ANKHD1: variants seen among roughly 807,000 people sequenced by gnomAD.
ANKHD1 encodes the protein ankyrin repeat and KH domain-containing protein 1.
Under a neutral mutation model 230.5 loss-of-function variants are expected in ANKHD1, and 31 were observed. That is an observed-to-expected ratio of 0.13 (90% CI 0.10 to 0.18). The LOEUF is 0.18. Ranked by LOEUF, ANKHD1 falls within the 10% of genes least tolerant of loss-of-function variation. The pLI, the probability that ANKHD1 is intolerant of heterozygous loss-of-function variation, is 1.00. For synonymous variants in ANKHD1, 1,074 were observed against 1,117.6 expected, an observed-to-expected ratio of 0.96 and a Z score of 0.78; for missense variants, 2,256 against 3,071.3, an observed-to-expected ratio of 0.73 and a Z score of 6.27.
Position 140,507,686 on chromosome 5 carries a change from G to GC in ANKHD1, c.3552-99_3552-98insC. On this transcript the variant is annotated intron_variant, in intron 19 of 33. Transcript: ENST00000360839. This position sits in a 1 kb window ranked among gnomAD's most constrained non-coding sequence, Gnocchi z 4.1. ...AAGTAAAATCTATTCATTGATGTTA[G>GC]AAACCTCTCTTTTTAGTGAAACCTT... 7.3e-7 allele frequency: 1 copy of GC among 1,378,324 alleles called. No individual in the cohort carries two copies. The highest frequency in any genetic ancestry group is 9.8e-7 in the Non-Finnish European group (1 of 1,017,060). The allele number at this position is 1,378,324 out of a possible 1,614,324, so 85.4% of individuals were successfully genotyped here. A position where few individuals can be genotyped will look rare whatever the true frequency, so the allele number is the denominator to read the frequency against.
chr5:140,450,443 C>T (rs938830011), intron 7 of ANKHD1, among the ~76,000 whole-genome samples: 1 of 151,880 alleles, frequency 6.6e-6, no homozygotes, highest in Non-Finnish European at 1.5e-5. Context: ...GATTCTCGTG[C>T]CTCAGCTTCC....
intron 10 of ANKHD1, among the ~76,000 whole-genome samples, chr5:140,474,615 T>G (rs1561776931): frequency 6.8e-6 from 1 of 147,838 alleles, no homozygotes; most frequent in African/African-American, 2.5e-5. Context: ...TTTTTTTTTT[T>G]GGAGATGGTC....
chr5:140,422,919 A>C (rs1040739973), intron 1 of ANKHD1, among the ~76,000 whole-genome samples: 2 of 151,508 alleles, frequency 1.3e-5, no homozygotes, highest in Non-Finnish European at 2.9e-5. Flanking sequence ...TCTTTCGCCC[A>C]GGCTGGAGTG....
chr5:140,464,971 T>A (rs1047909186), intron 10 of ANKHD1, 195 bp downstream of exon 10: 3 of 385,506 alleles, frequency 7.8e-6, no homozygotes, highest in African/African-American at 6.3e-5. Context: ...GCATACTGTT[T>A]CTTTTCCTAG....
rs763164070 is a variant in ANKHD1 at position 140,487,053 on chromosome 5, G to A, written c.2238G>A (p.Val746=). 3.7e-6 allele frequency: 6 copies of A among 1,607,538 alleles called. No individual in the cohort carries two copies. The highest frequency in any genetic ancestry group is 1.3e-5 in the African/African-American group (1 of 74,406). The change falls in exon 14 of 34, where the codon GTG becomes GTA. Residue 746 remains valine, a synonymous_variant. Coordinates refer to ENST00000360839, the MANE Select transcript of ANKHD1 (RefSeq NM_017747.3). ...SQENSPALLG[V]QKGTSKQKSS... ...AGAACTCTCCTGCCCTTTTAGGAGT[G>A]CAAAAAGGTTAGTTATTGAATTATT... is the stretch of plus-strand genomic sequence containing the variant.
At chr5:140,525,118 A>G (rs1304347090) in intron 25 of ANKHD1, among the ~76,000 whole-genome samples, 1 of 151,188 alleles carries the variant, frequency 6.6e-6, no homozygotes, top group African/African-American at 2.4e-5. Context: ...CTCTGTCTCA[A>G]AAAAAAAATA....
intron 2 of ANKHD1, among the ~76,000 whole-genome samples, chr5:140,437,186 T>A (rs1236307694): frequency 6.6e-6 from 1 of 152,244 alleles, no homozygotes. Context: ...ACAGTTTATG[T>A]TGATCTTTCT....
At chr5:140,449,676 AAG>A (rs1343810113) in intron 7 of ANKHD1, among the ~76,000 whole-genome samples, 153 of 126,082 alleles carry the variant, frequency 1.2e-3, no homozygotes, top group African/African-American at 4.0e-3. Flanking sequence ...AAAAAAAAAA[AAG>A]AGTTATTAAT....
chr5:140,492,230 A>G (rs1751841433), intron 14 of ANKHD1, among the ~76,000 whole-genome samples: 1 of 152,180 alleles, frequency 6.6e-6, no homozygotes, highest in Non-Finnish European at 1.5e-5. Flanking sequence ...AATCATTCTT[A>G]TATGGATTTA....
intron 7 of ANKHD1, among the ~76,000 whole-genome samples, chr5:140,453,230 C>T (rs558934604): frequency 2.0e-5 from 3 of 152,288 alleles, no homozygotes; most frequent in African/African-American, 4.8e-5. Flanking sequence ...ACCAAATCTA[C>T]GTCTGATTGG....
intron 10 of ANKHD1, among the ~76,000 whole-genome samples, chr5:140,478,832 T>G (rs1274196750): frequency 6.6e-6 from 1 of 151,616 alleles, no homozygotes; most frequent in African/African-American, 2.4e-5. Context: ...TTAGTAGAGA[T>G]AGGGTTTCTC....
At chr5:140,520,098 C>T (rs1384005072) in intron 24 of ANKHD1, among the ~76,000 whole-genome samples, 26 of 149,870 alleles carry the variant, frequency 1.7e-4, no homozygotes, top group Admixed American at 1.4e-3. Flanking sequence ...AACAAACAAC[C>T]CCATCAAAAA....
At position 140,528,687 on chromosome 5, in the gene ANKHD1, C is replaced by G; in HGVS notation, c.5741C>G (p.Pro1914Arg). The stretch of plus-strand genomic sequence containing the variant: ...AAGCATAATAACACAAGCCGTCTAC[C>G]TAACCAGAACGGGACTGTTTTACCC... Reference protein sequence around the residue: ...SPKHNNTSRLPNQNGTVLPSE... With the variant: ...SPKHNNTSRLRNQNGTVLPSE... Residue 1914 changes from proline to arginine, a missense_variant, in exon 29 of 34, where the codon CCT becomes CGT. Physicochemically the swap from Pro to Arg is moderately radical, Grantham distance 103. Coordinates refer to ENST00000360839, the MANE Select transcript of ANKHD1 (RefSeq NM_017747.3). 6.2e-7 allele frequency: 1 copy of G among 1,614,202 alleles called. No homozygotes were observed. The highest frequency in any genetic ancestry group is 8.5e-7 in the Non-Finnish European group (1 of 1,180,036).
chr5:140,402,053 C>T lies in ANKHD1; in HGVS notation c.86C>T (p.Ser29Leu), dbSNP rs763436404. 20 of 1,491,146 alleles carry T rather than the reference C, an allele frequency of 1.3e-5. No homozygotes were observed. The highest frequency in any genetic ancestry group is 3.6e-4 in the Middle Eastern group (2 of 5,484). The allele number at this position is 1,491,146 out of a possible 1,614,324, so 92.4% of individuals were successfully genotyped here. Reference sequence around the variant, plus strand: ...CCGCGATCCGCCCCAGCTGGGGCCTCGGAGCCGCCTCCGCCGGGAGGGGTC... The same window carrying T: ...CCGCGATCCGCCCCAGCTGGGGCCTTGGAGCCGCCTCCGCCGGGAGGGGTC... ...VAPRSAPAGA[S>L]EPPPPGGVGL... The change falls in exon 1 of 34, where the codon TCG (serine) becomes TTG (leucine). Residue 29 changes from serine to leucine, a missense_variant. By Grantham distance (145) the Ser-to-Leu change is moderately radical (BLOSUM62 -2). Coordinates refer to ENST00000360839, the MANE Select transcript of ANKHD1 (RefSeq NM_017747.3).
chr5:140,497,053 G>A lies in ANKHD1; in HGVS notation c.2779G>A (p.Val927Ile), dbSNP rs761625450. The change falls in exon 15 of 34, where the codon GTC becomes ATC. Residue 927 changes from valine (V) to isoleucine (I), a missense_variant. Around this residue, in one of 13 missense-constraint regions of ANKHD1, gnomAD observed 358 missense variants for 397.7 expected, o/e 0.90. Transcript: ENST00000360839. ...GGCAGAACAGATTGATTTTGTCCCAGTCCAGCCTTTATCATCTCCACAGTG... is the reference window on the plus strand; with the variant it reads ...GGCAGAACAGATTGATTTTGTCCCAATCCAGCCTTTATCATCTCCACAGTG... ...PSAEQIDFVP[V>I]QPLSSPQCNF... 1 of 1,614,178 alleles carries A rather than the reference G, an allele frequency of 6.2e-7. No individual in the cohort carries two copies. Among genetic ancestry groups the A allele is most frequent in the Non-Finnish European group, 8.5e-7 (1 of 1,180,010 alleles).
At chr5:140,471,931 GTT>G (rs1452182705) in intron 10 of ANKHD1, among the ~76,000 whole-genome samples, 1 of 152,102 alleles carries the variant, frequency 6.6e-6, no homozygotes, top group African/African-American at 2.4e-5. Flanking sequence ...ATTTTTAAAT[GTT>G]GCTCTGTTTT....
chr5:140,414,265 G>T (rs1288199913), intron 1 of ANKHD1, among the ~76,000 whole-genome samples: 19 of 152,240 alleles, frequency 1.2e-4, no homozygotes, highest in Middle Eastern at 3.4e-3. Context: ...TTGAGGAACT[G>T]CAATACTGTG....
intron 33 of ANKHD1, 22 bp from the exon 34 acceptor site, chr5:140,539,337 A>G: frequency 6.2e-7 from 1 of 1,612,180 alleles, no homozygotes; most frequent in Non-Finnish European, 8.5e-7. Flanking sequence ...TAGAAATTCC[A>G]ATTTTTCCTC....
intron 1 of ANKHD1, among the ~76,000 whole-genome samples, chr5:140,409,190 T>G (rs1251806709): frequency 2.6e-5 from 4 of 152,212 alleles, no homozygotes; most frequent in African/African-American, 9.6e-5. Flanking sequence ...GAGTCACTGC[T>G]TTTAATAGCA....
Sources: gnomAD v4.1 joint callset for allele counts (sites outside exome capture counted in the v4.1 genomes callset) on GRCh38, gnomAD v4.1.1 for gene constraint, gnomAD v4.1.1 regional missense constraint, Gnocchi (gnomAD v3.1) non-coding constraint, MANE v1.5 for transcripts, NCBI Gene and HGNC (gene_info 2026-07-23, HGNC 2026-07-21) for gene names.